ME3: variants seen among roughly 807,000 people sequenced by gnomAD.
ME3 encodes malic enzyme 3.
ME3 carries 48 observed loss-of-function variants against 68.9 expected under a neutral mutation model. The ratio of observed to expected loss-of-function variants is 0.70; its 90% CI spans 0.55 to 0.89. ME3 has a LOEUF of 0.89. Among genes scored for constraint, ME3 ranks in the 40% least tolerant of loss-of-function variants. ME3 has a pLI of 0.00. For synonymous variants in ME3, 320 were observed against 318.8 expected (o/e 1.00, Z -0.04); for missense variants, 675 against 797.4 (o/e 0.85, Z 1.85).
chr11:86,637,771 A>T (rs1944429809), intron 2 of ME3, among the ~76,000 whole-genome samples: 1 of 152,088 alleles, frequency 6.6e-6, no homozygotes, highest in African/African-American at 2.4e-5. Flanking sequence ...AAGAAGTTGA[A>T]CTGGGAGTAG....
chr11:86,551,573 T>TA (rs1333811548), intron 4 of ME3, among the ~76,000 whole-genome samples: 1 of 152,198 alleles, frequency 6.6e-6, no homozygotes, highest in Non-Finnish European at 1.5e-5. Flanking sequence ...TGTGATGTCT[T>TA]AGATAAGTCA....
intron 6 of ME3, among the ~76,000 whole-genome samples, chr11:86,488,792 G>A (rs373617093): frequency 6.6e-6 from 1 of 152,178 alleles, no homozygotes; most frequent in African/African-American, 2.4e-5. Flanking sequence ...TGCCTTCTAG[G>A]TGCTGACAGG....
chr11:86,548,586 A>G (rs1461650595), intron 4 of ME3, among the ~76,000 whole-genome samples: 2 of 152,204 alleles, frequency 1.3e-5, no homozygotes, highest in African/African-American at 4.8e-5. Context: ...TCTTGTCAGA[A>G]AATGAAAAGT....
At chr11:86,595,050 G>A (rs1462957621) in intron 2 of ME3, among the ~76,000 whole-genome samples, 1 of 145,064 alleles carries the variant, frequency 6.9e-6, no homozygotes, top group African/African-American at 2.5e-5. Context: ...CAACTATAGA[G>A]CATTCACAAT....
chr11:86,521,331 C>G (rs1434362784), intron 4 of ME3, among the ~76,000 whole-genome samples: 1 of 151,624 alleles, frequency 6.6e-6, no homozygotes, highest in Non-Finnish European at 1.5e-5. Flanking sequence ...GGAGGCGGAG[C>G]TTGCAGTGAG....
At chr11:86,646,266 C>T (rs141043894) in intron 2 of ME3, among the ~76,000 whole-genome samples, 10 of 152,282 alleles carry the variant, frequency 6.6e-5, no homozygotes, top group African/African-American at 1.7e-4. Context: ...GCTAAAGGAG[C>T]ATATGCTAAC....
At chr11:86,475,868 T>TAGAGAG (rs1280724738) in intron 7 of ME3, among the ~76,000 whole-genome samples, 191 of 109,658 alleles carry the variant, frequency 1.7e-3, no homozygotes, top group Middle Eastern at 9.6e-3. Flanking sequence ...TATATATATA[T>TAGAGAG]ATATATAGAG....
chr11:86,556,900 G>GGTGTA (rs1306364127), intron 3 of ME3, among the ~76,000 whole-genome samples, 198 bp from the exon 4 acceptor site: 1 of 152,094 alleles, frequency 6.6e-6, no homozygotes, highest in East Asian at 1.9e-4. Context: ...TATTATACAT[G>GGTGTA]GTGTAGATAC....
intron 2 of ME3, among the ~76,000 whole-genome samples, chr11:86,666,312 A>G (rs918056536): frequency 6.6e-6 from 1 of 152,178 alleles, no homozygotes; most frequent in Non-Finnish European, 1.5e-5. Flanking sequence ...CAGAGGTAAG[A>G]CCTGTCATCC....
intron 2 of ME3, among the ~76,000 whole-genome samples, chr11:86,626,411 T>G (rs553219582): frequency 4.6e-5 from 7 of 152,326 alleles, no homozygotes; most frequent in African/African-American, 1.7e-4. Context: ...TGAACAGTTT[T>G]TCTGCTATTT....
chr11:86,518,224 T>C (rs1301275284), intron 4 of ME3, among the ~76,000 whole-genome samples: 4 of 151,816 alleles, frequency 2.6e-5, no homozygotes, highest in East Asian at 1.9e-4. Context: ...CTTGGAGAAA[T>C]TGTAGTTTCA....
At chr11:86,642,425 G>T (rs898228249) in intron 2 of ME3, among the ~76,000 whole-genome samples, 12 of 152,152 alleles carry the variant, frequency 7.9e-5, no homozygotes, top group Non-Finnish European at 1.8e-4. Context: ...TCAGCAAATT[G>T]GTGCTTTCCA....
intron 2 of ME3, among the ~76,000 whole-genome samples, chr11:86,571,710 G>T (rs1046324900): frequency 1.3e-5 from 2 of 152,250 alleles, no homozygotes; most frequent in African/African-American, 2.4e-5. Flanking sequence ...CTTTGGGTCC[G>T]GCTCTGGCCA....
intron 2 of ME3, among the ~76,000 whole-genome samples, chr11:86,595,591 T>A (rs904225417): frequency 6.6e-6 from 1 of 152,058 alleles, no homozygotes; most frequent in African/African-American, 2.4e-5. Flanking sequence ...GTAAGAAGGA[T>A]TGATTGAGTG....
In ME3 at chr11:86,600,569, C is replaced by A. The variant is rs992408169; in HGVS notation, c.184-40746G>T. Among the ~76,000 whole-genome samples the A allele has an allele frequency of 1.9e-3, 292 of 150,246 alleles. 1 individual carries two copies. The highest frequency in any genetic ancestry group is 2.7e-3 in the Non-Finnish European group (186 of 67,736). The stretch of plus-strand genomic sequence containing the variant: ...GAGACAGAAAGTTAACAAGGATACC[C>A]AGGAATTGAACTCAGCTCTGCACCA... On this transcript the variant is annotated intron_variant, in intron 2 of 14. Transcript: ENST00000543262.
chr11:86,491,582 T>A (rs1423236086), intron 6 of ME3, among the ~76,000 whole-genome samples: 1 of 152,158 alleles, frequency 6.6e-6, no homozygotes, highest in Non-Finnish European at 1.5e-5. Context: ...TGGCACAACA[T>A]GGAACAAGAA....
rs557100167 is a variant in ME3 at position 86,623,969 on chromosome 11, T to G, written c.183+47793A>C. Among the ~76,000 whole-genome samples the G allele has an allele frequency of 3.8e-4, 58 of 152,316 alleles. No homozygotes were observed. The South Asian group carries it at 6.8e-3, about 18-fold the overall frequency. On this transcript the variant is annotated intron_variant, in intron 2 of 14. Transcript: ENST00000543262. ...TCTCCAGCAGGCTTGACGTACAACG[T>G]GACCCCTTCCCTCTAGCTGCTGACT...
chr11:86,639,237 T>C (rs1023353109), intron 2 of ME3, among the ~76,000 whole-genome samples: 1 of 152,238 alleles, frequency 6.6e-6, no homozygotes, highest in Non-Finnish European at 1.5e-5. Context: ...GGAGGAGTAA[T>C]GCCTTTTCCT....
intron 2 of ME3, among the ~76,000 whole-genome samples, chr11:86,589,250 TA>T (rs1958914739): frequency 6.6e-6 from 1 of 152,232 alleles, no homozygotes; most frequent in Non-Finnish European, 1.5e-5. Context: ...TCTCCCCATT[TA>T]AACTCTTAGG....
Sources: allele counts gnomAD v4.1 joint callset (sites outside exome capture counted in the v4.1 genomes callset), GRCh38; gene constraint gnomAD v4.1.1; transcripts MANE v1.5; gene names NCBI Gene and HGNC (gene_info 2026-07-23, HGNC 2026-07-21).